The following KIFC3 variants were observed in gnomAD, a reference collection of about 807,000 sequenced individuals.
KIFC3 encodes kinesin family member C3, also known as kinesin-like protein KIFC3.
In KIFC3, 60 loss-of-function variants were observed where a neutral mutation model predicts 101.8. The observed-to-expected ratio is 0.59, with a 90% CI of 0.48 to 0.73. The LOEUF (loss-of-function observed/expected upper bound fraction) is 0.73. Among genes scored for constraint, KIFC3 ranks in the 30% least tolerant of loss-of-function variants. The probability of loss-of-function intolerance (pLI) is 0.00; values close to 1 mark genes in which losing one functional copy is unlikely to be tolerated. For missense variants in KIFC3, 966 were observed against 1,137.1 expected (o/e 0.85, Z 2.16); for synonymous variants, 476 against 482.7 (o/e 0.99, Z 0.18).
intron 3 of KIFC3, chr16:57,788,749 G>A: frequency 1.6e-6 from 2 of 1,287,838 alleles, no homozygotes; most frequent in Non-Finnish European, 2.0e-6. Context: ...ACGTGAAGGA[G>A]ACTGTGCCAG....
chr16:57,816,955 A>G (rs536923310), intron 1 of KIFC3: 2 of 339,016 alleles, frequency 5.9e-6, no homozygotes, highest in South Asian at 2.2e-5. Context: ...CACACTCACT[A>G]CATGCCGGGC....
chr16:57,806,371 CT>C (rs1469150742), upstream of KIFC3, among the ~76,000 whole-genome samples: 4 of 152,148 alleles, frequency 2.6e-5, no homozygotes, highest in Non-Finnish European at 4.4e-5. Context: ...CTTGTCCCTC[CT>C]TCAAGTTTAG....
At chr16:57,818,771 C>T (rs1455214502) in intron 1 of KIFC3, among the ~76,000 whole-genome samples, 1 of 152,162 alleles carries the variant, frequency 6.6e-6, no homozygotes, top group African/African-American at 2.4e-5. Context: ...GGCTATTTGC[C>T]CAGCGTGGTC....
chr16:57,760,773 G>A lies in KIFC3; in HGVS notation c.2185C>T (p.Leu729=). The A allele has an allele frequency of 6.2e-7, 1 of 1,613,882 alleles. No homozygotes were observed. The highest frequency in any genetic ancestry group is 8.5e-7 in the Non-Finnish European group (1 of 1,180,014). Residue 729 remains leucine, a synonymous_variant, in exon 16 of 20, where the codon CTG becomes TTG. Coordinates refer to ENST00000445690, the MANE Select transcript of KIFC3 (RefSeq NM_001130100.2). Reference sequence around the variant, plus strand: ...CTGTCACCACTAAGCGAATCCTGCAGCAGGTAGGTGAGCTTGGAGTTGCGG... The same window carrying A: ...CTGTCACCACTAAGCGAATCCTGCAACAGGTAGGTGAGCTTGGAGTTGCGG... ...PFRNSKLTYL[L]QDSLSGDSKT...
In KIFC3 at chr16:57,772,239, C is replaced by G. The variant is rs782378783; in HGVS notation, c.365G>C (p.Arg122Pro). 6.2e-7 allele frequency: 1 copy of G among 1,613,668 alleles called. No individual in the cohort carries two copies. Among genetic ancestry groups the G allele is most frequent in the South Asian group, 1.1e-5 (1 of 91,048 alleles). Residue 122 changes from arginine (R) to proline (P), a missense_variant, in exon 4 of 20, where the codon CGA becomes CCA. Physicochemically the swap from Arg to Pro is moderately radical, Grantham distance 103. Coordinates refer to ENST00000445690, the MANE Select transcript of KIFC3 (RefSeq NM_001130100.2). ...KLISQAQEVSRLRSELGGTDL... is the reference protein window; with the variant it reads ...KLISQAQEVSPLRSELGGTDL... Reference sequence around the variant, plus strand: ...TGGCCTCACCAGCTCAGATCGCAGTCGGCTCACTTCCTGGGCCTGGCTAAT... The same window carrying G: ...TGGCCTCACCAGCTCAGATCGCAGTGGGCTCACTTCCTGGGCCTGGCTAAT...
upstream of KIFC3, among the ~76,000 whole-genome samples, chr16:57,805,124 C>T (rs2054905790): frequency 6.6e-6 from 1 of 151,730 alleles, no homozygotes; most frequent in South Asian, 2.1e-4. Context: ...AGCCACCGTG[C>T]CCAGCATGAC....
intron 3 of KIFC3, among the ~76,000 whole-genome samples, chr16:57,790,059 TTTCTTTCTTTCTTTCTTTC>T (rs1555619613): frequency 4.6e-5 from 3 of 65,064 alleles, no homozygotes; most frequent in South Asian, 5.7e-4. Flanking sequence ...TTTCTTTTTC[TTTCTTTCTTTCTTTCTTTC>T]TTTTTTTTTT....
intron 1 of KIFC3, among the ~76,000 whole-genome samples, chr16:57,838,024 G>A (rs939120646): frequency 4.6e-5 from 7 of 152,140 alleles, no homozygotes; most frequent in Non-Finnish European, 7.3e-5. Context: ...TCAAGTAGCC[G>A]GGGTTAGGGG....
intron 1 of KIFC3, among the ~76,000 whole-genome samples, chr16:57,835,850 T>C (rs2055674522): frequency 6.6e-6 from 1 of 152,196 alleles, no homozygotes; most frequent in South Asian, 2.1e-4. Context: ...CTCAGGAGGC[T>C]AAGGCGTGAA....
Position 57,773,453 on chromosome 16 carries a change from G to A in KIFC3, c.316-1165C>T, listed in dbSNP as rs557604229. 3.9e-5 allele frequency among the ~76,000 whole-genome samples: 6 copies of A among 152,280 alleles called. No homozygotes were observed. The East Asian group carries it at 7.7e-4, about 20-fold the overall frequency. On this transcript the variant is annotated intron_variant, in intron 3 of 19. Coordinates refer to ENST00000445690, the MANE Select transcript of KIFC3 (RefSeq NM_001130100.2). Reference sequence around the variant, plus strand: ...ATTCTCATCTTTCAAGAGAGGCCTAGGCCAGCCTGAGCAACACAGCAAGAC... The same window carrying A: ...ATTCTCATCTTTCAAGAGAGGCCTAAGCCAGCCTGAGCAACACAGCAAGAC...
intron 1 of KIFC3, among the ~76,000 whole-genome samples, chr16:57,851,036 G>A (rs1473186310): frequency 3.6e-5 from 5 of 138,130 alleles, no homozygotes; most frequent in East Asian, 2.2e-4. Flanking sequence ...TTCTTGACAC[G>A]ATCTTGCTTT....
chr16:57,852,880 T>C (rs1316545940), intron 1 of KIFC3, among the ~76,000 whole-genome samples: 1 of 152,310 alleles, frequency 6.6e-6, no homozygotes, highest in Non-Finnish European at 1.5e-5. Context: ...AATATGTATA[T>C]TGTAATTCCT....
chr16:57,760,657 G>T, intron 16 of KIFC3, 69 bp downstream of exon 16: 3 of 1,400,978 alleles, frequency 2.1e-6, no homozygotes, highest in South Asian at 2.3e-5. Context: ...AGCCTGGGGT[G>T]ACTGGGTCTC....
Position 57,758,650 on chromosome 16 carries a change from C to CTGA in KIFC3, c.*281_*283dup, listed in dbSNP as rs782400984. Reference sequence around the variant, plus strand: ...CGCCCTCCTCACGGGGCCCAGTTCGCTGATGGCCCAGGCCTGCCAGGAAGA... The same window carrying CTGA: ...CGCCCTCCTCACGGGGCCCAGTTCGCTGATGATGGCCCAGGCCTGCCAGGAAGA... On this transcript the variant is annotated 3_prime_UTR_variant, in exon 20 of 20. Coordinates refer to ENST00000445690, the MANE Select transcript of KIFC3 (RefSeq NM_001130100.2). The CTGA allele has an allele frequency of 7.1e-6, 5 of 702,932 alleles. No individual in the cohort carries two copies. Among genetic ancestry groups the CTGA allele is most frequent in the Admixed American group, 6.0e-5 (3 of 49,930 alleles). The allele number at this position is 702,932 out of a possible 1,614,324, so 43.5% of individuals were successfully genotyped here.
At chr16:57,789,206 C>T (rs1298742725) in intron 3 of KIFC3, among the ~76,000 whole-genome samples, 3 of 152,180 alleles carry the variant, frequency 2.0e-5, no homozygotes, top group South Asian at 2.1e-4. Context: ...CGCAGGAGTC[C>T]GTCCGAGCAG....
At chr16:57,826,271 A>G (rs1555630777) in intron 1 of KIFC3, among the ~76,000 whole-genome samples, 1 of 152,230 alleles carries the variant, frequency 6.6e-6, no homozygotes, top group East Asian at 1.9e-4. Flanking sequence ...CACGTCATGC[A>G]TACACACTTG....
Position 57,761,485 on chromosome 16 carries a change from T to C in KIFC3, c.1800A>G (p.Pro600=), listed in dbSNP as rs370531709. 1.9e-6 allele frequency: 3 copies of C among 1,613,902 alleles called. No homozygotes were observed. Among genetic ancestry groups the C allele is most frequent in the Non-Finnish European group, 2.5e-6 (3 of 1,179,872 alleles). ...PQEKLEIRLC[P]DGSGQLYVPG... is the part of the protein sequence containing the mutation. ...GTACATACAGCTGCCCACTGCCGTC[T>C]GGGCACAGCCGGATCTCCAGTTTTT... Residue 600 remains proline (P), a synonymous_variant, in exon 14 of 20, where the codon CCA becomes CCG. Transcript: ENST00000445690.
chr16:57,772,290 T>C lies in KIFC3; in HGVS notation c.316-2A>G. ...GAGCTTCTCCTTCAGGTGTTCTACC[T>C]GTGGGCACAGAGTCAGGAGCAAGGT... is the stretch of plus-strand genomic sequence containing the variant. On this transcript the variant is annotated splice_acceptor_variant, in intron 3 of 19. Coordinates refer to ENST00000445690, the MANE Select transcript of KIFC3 (RefSeq NM_001130100.2). LOFTEE classifies it high-confidence loss of function. 1.9e-6 allele frequency: 3 copies of C among 1,613,626 alleles called. No homozygotes were observed. The highest frequency in any genetic ancestry group is 2.5e-6 in the Non-Finnish European group (3 of 1,179,706).
chr16:57,854,541 T>C (rs1452637060), intron 1 of KIFC3, among the ~76,000 whole-genome samples: 2 of 151,528 alleles, frequency 1.3e-5, no homozygotes, highest in African/African-American at 4.8e-5. Flanking sequence ...GGCAGGAGAA[T>C]TGCTTGAACC....
Sources: gnomAD v4.1 joint callset for allele counts (sites outside exome capture counted in the v4.1 genomes callset) on GRCh38, gnomAD v4.1.1 for gene constraint, MANE v1.5 for transcripts, NCBI Gene and HGNC (gene_info 2026-07-23, HGNC 2026-07-21) for gene names.